Variants in PATL1 observed in about 807,000 individuals in gnomAD.
PATL1 encodes the protein PAT1 homolog 1, processing body mRNA decay factor, also known as protein PAT1 homolog 1.
PATL1 carries 32 observed loss-of-function variants against 100.6 expected under a neutral mutation model. The observed-to-expected ratio is 0.32, with a 90% CI of 0.24 to 0.43. PATL1 has a LOEUF of 0.43. Ranked by LOEUF, PATL1 falls within the 20% of genes least tolerant of loss-of-function variation. The pLI is 1.00. For missense variants in PATL1, 747 were observed against 949.9 expected (o/e 0.79, Z 2.81); for synonymous variants, 332 against 330.0 (o/e 1.01, Z -0.07).
rs1003228696 is a variant in PATL1 at position 59,638,050 on chromosome 11, A to G, written c.*340T>C. 3.3e-6 allele frequency: 1 copy of G among 301,560 alleles called. No individual in the cohort carries two copies. The highest frequency in any genetic ancestry group is 6.2e-5 in the East Asian group (1 of 16,110). The allele number at this position is 301,560 out of a possible 1,614,324, so 18.7% of individuals were successfully genotyped here. Reference sequence around the variant, plus strand: ...GGAAGGAATCCTTTGGCAGGCTACAATCTACTCTGAGGTGGAGTAGTGGAG... The same window carrying G: ...GGAAGGAATCCTTTGGCAGGCTACAGTCTACTCTGAGGTGGAGTAGTGGAG... On this transcript the variant is annotated 3_prime_UTR_variant, in exon 19 of 19. Transcript: ENST00000300146.
At chr11:59,649,647 G>C (rs755019863) in intron 13 of PATL1, 37 bp from the exon 14 acceptor site, 15 of 1,594,704 alleles carry the variant, frequency 9.4e-6, no homozygotes, top group Non-Finnish European at 1.3e-5. Context: ...CAGCATGCTA[G>C]GTCAGAACCA....
At chr11:59,663,604 A>G (rs1199041306) in intron 2 of PATL1, among the ~76,000 whole-genome samples, 1 of 152,192 alleles carries the variant, frequency 6.6e-6, no homozygotes, top group East Asian at 1.9e-4. Flanking sequence ...AAATATTTAG[A>G]ATGGTGCCTA....
At chr11:59,664,769 T>C (rs1861665812) in intron 2 of PATL1, among the ~76,000 whole-genome samples, 1 of 152,124 alleles carries the variant, frequency 6.6e-6, no homozygotes, top group Non-Finnish European at 1.5e-5. Context: ...AGAGTCTCAC[T>C]ATGTTGCCGA....
rs1306053943 is a variant in PATL1, at chr11:59,637,563, G to T, written c.*827C>A. ...GGGTGACTTCGAATGCACTTGAGGGGAAAGGCTCAAGTACCCTGTAGTTGT... is the reference window on the plus strand; with the variant it reads ...GGGTGACTTCGAATGCACTTGAGGGTAAAGGCTCAAGTACCCTGTAGTTGT... On this transcript the variant is annotated 3_prime_UTR_variant, in exon 19 of 19. Coordinates refer to ENST00000300146, the MANE Select transcript of PATL1 (RefSeq NM_152716.3). The T allele has an allele frequency of 6.6e-6, 1 of 152,646 alleles. No homozygotes were observed. Among genetic ancestry groups the T allele is most frequent in the Non-Finnish European group, 1.5e-5 (1 of 68,050 alleles). 9.5% of individuals were successfully genotyped at this position (152,646 alleles called of 1,614,324 possible). A position where few individuals can be genotyped will look rare whatever the true frequency, so the allele number is the denominator to read the frequency against.
Position 59,652,954 on chromosome 11 carries a change from G to A in PATL1, c.1186C>T (p.Leu396Phe), listed in dbSNP as rs1861467811. 1.2e-6 allele frequency: 2 copies of A among 1,613,988 alleles called. No homozygotes were observed. Among genetic ancestry groups the A allele is most frequent in the Non-Finnish European group, 1.7e-6 (2 of 1,179,884 alleles). Reference protein sequence around the residue: ...GSHRSSHQDHLRKDPYANLML... With the variant: ...GSHRSSHQDHFRKDPYANLML... Reference sequence around the variant, plus strand: ...AGATTGGCATATGGATCCTTTCGGAGATGATCTTGATGACTGCTCCGGTGA... The same window carrying A: ...AGATTGGCATATGGATCCTTTCGGAAATGATCTTGATGACTGCTCCGGTGA... Residue 396 changes from leucine (L) to phenylalanine (F), a missense_variant, in exon 10 of 19, where the codon CTC becomes TTC. Around this residue, in one of 4 missense-constraint regions of PATL1, gnomAD observed 434 missense variants for 596.1 expected, o/e 0.73. Transcript: ENST00000300146.
Position 59,656,040 on chromosome 11 carries a change from A to C in PATL1, c.729T>G (p.Ser243=), listed in dbSNP as rs925524962. 6 of 1,382,478 alleles carry C rather than the reference A, an allele frequency of 4.3e-6. No individual in the cohort carries two copies. In the African/African-American group the frequency reaches 9.1e-5, roughly 21 times the overall value. 85.6% of individuals were successfully genotyped at this position (1,382,478 alleles called of 1,614,324 possible). A position where few individuals can be genotyped will look rare whatever the true frequency, so the allele number is the denominator to read the frequency against. The change falls in exon 7 of 19, where the codon TCT becomes TCG. Residue 243 remains serine (S), a synonymous_variant. Transcript: ENST00000300146. ...GAGGAAAAGGGTGACCCAGGAGGGA[A>C]GAGTTCTAAGGTAAAAAAAAAAAAA... is the stretch of plus-strand genomic sequence containing the variant. The part of the protein sequence containing the change: ...SPNQLCSVPN[S]SLLGHPFPPS...
chr11:59,653,081 G>A (rs1457047865), intron 9 of PATL1, 63 bp from the exon 10 acceptor site: 20 of 1,371,370 alleles, frequency 1.5e-5, no homozygotes, highest in East Asian at 2.4e-5. Flanking sequence ...TAACAACAGA[G>A]GAATAAACCA....
intron 1 of PATL1, 33 bp downstream of exon 1, chr11:59,668,848 A>G: frequency 2.5e-6 from 2 of 815,950 alleles, no homozygotes; most frequent in Non-Finnish European, 3.6e-6. Flanking sequence ...CGCGGGAGGG[A>G]GGGAGGGGTC....
intron 15 of PATL1, among the ~76,000 whole-genome samples, chr11:59,647,446 T>G (rs746199534): frequency 6.6e-6 from 1 of 152,196 alleles, no homozygotes. Context: ...AAATTCTGAT[T>G]CAGCAGTTTG....
At chr11:59,659,668 T>G (rs1252076439) in intron 2 of PATL1, among the ~76,000 whole-genome samples, 199 bp from the exon 3 acceptor site, 1 of 151,094 alleles carries the variant, frequency 6.6e-6, no homozygotes, top group East Asian at 1.9e-4. Flanking sequence ...GTAGCTGGAG[T>G]AGCTGGGACT....
At chr11:59,648,817 A>G (rs1384221016) in intron 14 of PATL1, among the ~76,000 whole-genome samples, 2 of 152,224 alleles carry the variant, frequency 1.3e-5, no homozygotes, top group Non-Finnish European at 2.9e-5. Context: ...TTGAAAACAA[A>G]GTGCTTATTC....
chr11:59,651,552 C>T lies in PATL1; in HGVS notation c.1516G>A (p.Glu506Lys). ...MIDAVVTSRS[E>K]DDETKEKQVR... The stretch of plus-strand genomic sequence containing the variant: ...ATTGTGTTGACACTTACATCATCCT[C>T]ACTCCGAGATGTCACAACAGCATCA... Residue 506 changes from glutamate to lysine, a missense_variant, in exon 12 of 19, where the codon GAG (glutamate) becomes AAG (lysine). Glu to Lys is a moderately conservative substitution (Grantham distance 56, BLOSUM62 1). Transcript: ENST00000300146. The T allele has an allele frequency of 6.2e-7, 1 of 1,608,242 alleles. No individual in the cohort carries two copies. The highest frequency in any genetic ancestry group is 8.5e-7 in the Non-Finnish European group (1 of 1,176,118).
intron 18 of PATL1, 108 bp downstream of exon 18, chr11:59,638,940 C>T: frequency 7.9e-7 from 1 of 1,273,102 alleles, no homozygotes; most frequent in Non-Finnish European, 1.1e-6. Context: ...TCCTGGGTGT[C>T]CTAAAATGCT....
chr11:59,668,705 A>T (rs963293151), intron 1 of PATL1, among the ~76,000 whole-genome samples, 176 bp downstream of exon 1: 6 of 152,034 alleles, frequency 3.9e-5, no homozygotes, highest in Non-Finnish European at 5.9e-5. Context: ...CCATGAAGCC[A>T]GCTCCCAGCC....
intron 2 of PATL1, among the ~76,000 whole-genome samples, chr11:59,661,137 G>GT (rs1259700314): frequency 6.6e-6 from 1 of 152,134 alleles, no homozygotes; most frequent in Non-Finnish European, 1.5e-5. Flanking sequence ...CCAGGTTGGA[G>GT]TGCAATGGCG....
At chr11:59,658,163 C>CAAA (rs746089908) in intron 4 of PATL1, among the ~76,000 whole-genome samples, 1 of 107,990 alleles carries the variant, frequency 9.3e-6, no homozygotes, top group Non-Finnish European at 1.8e-5. Context: ...GACCTGGTCT[C>CAAA]AAAAAAAAAA....
At chr11:59,664,652 C>T (rs1861664166) in intron 2 of PATL1, among the ~76,000 whole-genome samples, 1 of 152,194 alleles carries the variant, frequency 6.6e-6, no homozygotes, top group Admixed American at 6.5e-5. Context: ...ATAGCTGATG[C>T]AGCCCTGAAC....
chr11:59,668,300 C>A (rs1410755485), intron 1 of PATL1, among the ~76,000 whole-genome samples: 1 of 152,174 alleles, frequency 6.6e-6, no homozygotes, highest in South Asian at 2.1e-4. Flanking sequence ...TCCAAACCCG[C>A]GTCTCCCAGC....
Position 59,649,554 on chromosome 11 carries a change from C to T in PATL1, c.1641G>A (p.Leu547=), listed in dbSNP as rs1362148450. The T allele has an allele frequency of 6.2e-7, 1 of 1,613,646 alleles. No homozygotes were observed. The highest frequency in any genetic ancestry group is 1.7e-5 in the Admixed American group (1 of 59,956). The change falls in exon 14 of 19, where the codon CTG becomes CTA. Residue 547 remains leucine (L), a synonymous_variant. Coordinates refer to ENST00000300146, the MANE Select transcript of PATL1 (RefSeq NM_152716.3). ...CCATTAGGGCAGGTCGCTCTTCTTCCAGACTTAGGAGATAACGTCTTTCAT... is the reference window on the plus strand; with the variant it reads ...CCATTAGGGCAGGTCGCTCTTCTTCTAGACTTAGGAGATAACGTCTTTCAT... The part of the protein sequence containing the change: ...EDYERRYLLS[L]EEERPALMDD...
Sources: gnomAD v4.1 joint callset for allele counts (sites outside exome capture counted in the v4.1 genomes callset) on GRCh38, gnomAD v4.1.1 for gene constraint, gnomAD v4.1.1 regional missense constraint, MANE v1.5 for transcripts, NCBI Gene and HGNC (gene_info 2026-07-23, HGNC 2026-07-21) for gene names.